The following NSG1 variants were observed in gnomAD, a reference collection of about 807,000 sequenced individuals.
The protein encoded by NSG1 is neuronal vesicle trafficking associated 1, also known as neuronal vesicle trafficking-associated protein 1.
NSG1 carries 9 observed loss-of-function variants against 19.3 expected under a neutral mutation model. The observed-to-expected ratio is 0.47, with a 90% CI of 0.28 to 0.81. The LOEUF (loss-of-function observed/expected upper bound fraction) is 0.81. Ranked by LOEUF, NSG1 falls within the 40% of genes least tolerant of loss-of-function variation. The pLI is 0.11. For synonymous variants in NSG1, 104 were observed against 107.0 expected, an observed-to-expected ratio of 0.97 and a Z score of 0.17; for missense variants, 236 against 242.4, an observed-to-expected ratio of 0.97 and a Z score of 0.18.
chr4:4,398,066 T>C (rs1723358941), intron 3 of NSG1, among the ~76,000 whole-genome samples: 2 of 152,188 alleles, frequency 1.3e-5, no homozygotes, highest in Non-Finnish European at 2.9e-5. Context: ...GTGATTCTCC[T>C]GCCTCAGCCT....
intron 3 of NSG1, among the ~76,000 whole-genome samples, chr4:4,408,264 G>A (rs1461573737): frequency 1.3e-5 from 2 of 152,166 alleles, no homozygotes; most frequent in Admixed American, 1.3e-4. Flanking sequence ...GTGGCCAGGG[G>A]AGAGTCCCAG....
In NSG1 at chr4:4,403,119, G is replaced by C. The variant is rs1456995453; in HGVS notation, c.247-6454G>C. Among the ~76,000 whole-genome samples, 5 of 152,240 alleles carry C rather than the reference G, an allele frequency of 3.3e-5. 1 individual carries two copies. The Middle Eastern group carries it at 0.014, about 417-fold the overall frequency. ...TCACTCACTCACTCACTCACTCGCT[G>C]AACGTGCAGGAGGCATCTTCTCTGT... On this transcript the variant is annotated intron_variant, in intron 3 of 4. Coordinates refer to ENST00000621129, the MANE Select transcript of NSG1 (RefSeq NM_014392.5).
At chr4:4,387,848 T>TG in intron 2 of NSG1, 90 bp downstream of exon 2, 1 of 1,107,126 alleles carries the variant, frequency 9.0e-7, no homozygotes, top group Non-Finnish European at 1.3e-6. Flanking sequence ...CCGCGTGCGC[T>TG]GGGTACGCGA....
intron 4 of NSG1, among the ~76,000 whole-genome samples, chr4:4,414,571 T>C (rs1724412215): frequency 6.6e-6 from 1 of 152,204 alleles, no homozygotes; most frequent in African/African-American, 2.4e-5. Flanking sequence ...TGTGCGTGTG[T>C]TTGTCACACA....
chr4:4,409,938 G>A (rs1724082192), intron 4 of NSG1, among the ~76,000 whole-genome samples: 1 of 152,246 alleles, frequency 6.6e-6, no homozygotes, highest in African/African-American at 2.4e-5. Flanking sequence ...GCAGTCCGGG[G>A]AAGGGCCCTC....
At chr4:4,416,149 T>C (rs1724524753) in intron 4 of NSG1, 1 of 702,318 alleles carries the variant, frequency 1.4e-6, no homozygotes, top group African/African-American at 1.7e-5. Flanking sequence ...TGGCCGCATT[T>C]TATAGGTGAG....
chr4:4,416,650 G>A (rs921298742), intron 4 of NSG1, among the ~76,000 whole-genome samples: 1 of 152,130 alleles, frequency 6.6e-6, no homozygotes, highest in African/African-American at 2.4e-5. Context: ...CCCAAGTGCT[G>A]TCTCGCACTC....
intron 3 of NSG1, among the ~76,000 whole-genome samples, chr4:4,401,252 T>TGGTAG: frequency 6.6e-6 from 1 of 152,242 alleles, no homozygotes; most frequent in African/African-American, 2.4e-5. Flanking sequence ...GGTAGGCATC[T>TGGTAG]GTCCTTCAGA....
At position 4,417,421 on chromosome 4, in the gene NSG1, G is replaced by A. The variant is rs754469690; in HGVS notation, c.544G>A (p.Glu182Lys). ...KLSEQETEAA[E>K]KSA ...GTCCGAGCAGGAGACTGAAGCGGCT[G>A]AGAAGTCAGCTTAGCGGGATGGGCA... The change falls in exon 5 of 5, where the codon GAG becomes AAG. Residue 182 changes from glutamate (E) to lysine (K), a missense_variant. Physicochemically the swap from Glu to Lys is moderately conservative, Grantham distance 56. Coordinates refer to ENST00000621129, the MANE Select transcript of NSG1 (RefSeq NM_014392.5). 5.6e-6 allele frequency: 9 copies of A among 1,614,228 alleles called. No individual in the cohort carries two copies. In the Admixed American group the frequency reaches 8.3e-5, roughly 15 times the overall value.
rs1354135232 is a variant in NSG1, at chr4:4,389,337, G to C, written c.129+1579G>C. Among the ~76,000 whole-genome samples, 3 of 152,218 alleles carry C rather than the reference G, an allele frequency of 2.0e-5. No homozygotes were observed. The East Asian group carries it at 5.8e-4, about 29-fold the overall frequency. ...TGATGAGTCTGCTCTCTCTGCAAGC[G>C]TCCGAAGCGGGGCAGCCAGCAGGGA... On this transcript the variant is annotated intron_variant, in intron 2 of 4. Transcript: ENST00000621129.
At chr4:4,404,801 C>G (rs73199804) in intron 3 of NSG1, among the ~76,000 whole-genome samples, 21 of 152,256 alleles carry the variant, frequency 1.4e-4, no homozygotes, top group Non-Finnish European at 2.6e-4. Context: ...AGATGCTGGG[C>G]TCCTTGGTGC....
chr4:4,411,989 T>C (rs1724230282), intron 4 of NSG1, among the ~76,000 whole-genome samples: 1 of 152,336 alleles, frequency 6.6e-6, no homozygotes, highest in Non-Finnish European at 1.5e-5. Context: ...TGCAAGACGT[T>C]TATACAGCTG....
chr4:4,416,414 C>T (rs1176521431), intron 4 of NSG1, among the ~76,000 whole-genome samples: 1 of 152,164 alleles, frequency 6.6e-6, no homozygotes, highest in African/African-American at 2.4e-5. Context: ...GAGCTGGTAA[C>T]AGAGAATGGA....
At chr4:4,411,749 A>C (rs1033790413) in intron 4 of NSG1, among the ~76,000 whole-genome samples, 2 of 66,180 alleles carry the variant, frequency 3.0e-5, no homozygotes, top group Non-Finnish European at 5.3e-5. Context: ...GTCTAAAAAC[A>C]AAACAAAACA....
chr4:4,402,368 G>GTTTTTTTTTTTTTTT (rs1560143233), intron 3 of NSG1, among the ~76,000 whole-genome samples: 8 of 99,640 alleles, frequency 8.0e-5, no homozygotes, highest in African/African-American at 3.3e-4. Flanking sequence ...ACCACGCCTG[G>GTTTTTTTTTTTTTTT]TTATTTTTTT....
intron 2 of NSG1, among the ~76,000 whole-genome samples, chr4:4,389,345 C>T (rs113937283): frequency 1.4e-4 from 22 of 152,198 alleles, no homozygotes; most frequent in African/African-American, 4.6e-4. Flanking sequence ...GCGTCCGAAG[C>T]GGGGCAGCCA....
intron 2 of NSG1, among the ~76,000 whole-genome samples, chr4:4,388,855 G>C (rs1051247895): frequency 8.5e-5 from 13 of 152,214 alleles, no homozygotes; most frequent in African/African-American, 3.1e-4. Flanking sequence ...CTGGCAGCGG[G>C]GGTTTCAGTT....
chr4:4,416,387 AG>A (rs1384123956), intron 4 of NSG1, among the ~76,000 whole-genome samples: 2 of 152,184 alleles, frequency 1.3e-5, no homozygotes, highest in African/African-American at 4.8e-5. Context: ...TCTCATCTTT[AG>A]ACTTCAGGGT....
At chr4:4,388,704 G>C (rs1463017407) in intron 2 of NSG1, among the ~76,000 whole-genome samples, 1 of 148,384 alleles carries the variant, frequency 6.7e-6, no homozygotes, top group Non-Finnish European at 1.5e-5. Flanking sequence ...CTCTGTCTTC[G>C]TTCCAGCAAG....
Sources: allele counts gnomAD v4.1 joint callset (sites outside exome capture counted in the v4.1 genomes callset), GRCh38; gene constraint gnomAD v4.1.1; transcripts MANE v1.5; gene names NCBI Gene and HGNC (gene_info 2026-07-23, HGNC 2026-07-21).